Variants in KCNC4 observed in about 807,000 individuals in gnomAD.
The protein encoded by KCNC4 is potassium voltage-gated channel subfamily C member 4.
In KCNC4, 23 loss-of-function variants were observed where a neutral mutation model predicts 42.8. The observed-to-expected ratio is 0.54, with a 90% CI of 0.39 to 0.76. The LOEUF (loss-of-function observed/expected upper bound fraction) is 0.76. Among genes scored for constraint, KCNC4 ranks in the 30% least tolerant of loss-of-function variants. The pLI is 0.00. For missense variants in KCNC4, 751 were observed against 898.2 expected (o/e 0.84, Z 2.10); for synonymous variants, 422 against 393.5 (o/e 1.07, Z -0.86).
intron 3 of KCNC4, among the ~76,000 whole-genome samples, chr1:110,229,464 G>T (rs536239302): frequency 6.6e-6 from 1 of 151,994 alleles, no homozygotes; most frequent in East Asian, 1.9e-4. Flanking sequence ...TCCCTTCTGC[G>T]CCCCGAGCTG....
Position 110,233,379 on chromosome 1 carries a change from C to T in KCNC4, c.*407C>T. 3.8e-6 allele frequency: 1 copy of T among 265,860 alleles called. No individual in the cohort carries two copies. Among genetic ancestry groups the T allele is most frequent in the Non-Finnish European group, 7.2e-6 (1 of 137,944 alleles). The allele number at this position is 265,860 out of a possible 1,614,324, so 16.5% of individuals were successfully genotyped here. On this transcript the variant is annotated 3_prime_UTR_variant, in exon 4 of 4. Coordinates refer to ENST00000438661, the MANE Select transcript of KCNC4 (RefSeq NM_001039574.3). ...CCAAGAAAAGTGCATCTGGGAATTG[C>T]CAGTCCAGCTGGGTAGTCCCAGGCT...
intron 3 of KCNC4, among the ~76,000 whole-genome samples, chr1:110,229,366 G>T (rs138972890): frequency 6.6e-6 from 1 of 152,214 alleles, no homozygotes; most frequent in Non-Finnish European, 1.5e-5. Flanking sequence ...GGTGCAGGCC[G>T]TGGGCGGGCT....
intron 1 of KCNC4, among the ~76,000 whole-genome samples, chr1:110,262,933 C>T (rs895404729): frequency 6.6e-6 from 1 of 152,216 alleles, no homozygotes; most frequent in Non-Finnish European, 1.5e-5. Context: ...TGAGACTCCG[C>T]GTAACCCCAT....
downstream of KCNC4, chr1:110,236,854 A>C (rs1312314734): frequency 6.6e-6 from 1 of 152,202 alleles, no homozygotes; most frequent in Admixed American, 6.5e-5. Flanking sequence ...CTCTGATTGC[A>C]GAGAGCAGAT....
intron 1 of KCNC4, among the ~76,000 whole-genome samples, chr1:110,273,328 A>G (rs1437661572): frequency 6.6e-6 from 1 of 152,176 alleles, no homozygotes; most frequent in Non-Finnish European, 1.5e-5. Flanking sequence ...CTAAATCATG[A>G]GTTTCTGCTC....
At chr1:110,267,499 A>C (rs1333591867) in intron 1 of KCNC4, among the ~76,000 whole-genome samples, 2 of 152,134 alleles carry the variant, frequency 1.3e-5, no homozygotes, top group African/African-American at 4.8e-5. Context: ...CACCGCCCAC[A>C]TGAACACACT....
chr1:110,216,727 C>G (rs1657814141), intron 1 of KCNC4, among the ~76,000 whole-genome samples: 1 of 152,154 alleles, frequency 6.6e-6, no homozygotes, highest in Non-Finnish European at 1.5e-5. Flanking sequence ...CACCAGAGCT[C>G]TGTGCAACCC....
chr1:110,242,333 C>G (rs557928480), exon 4 of KCNC4: 2 of 152,330 alleles, frequency 1.3e-5, no homozygotes, highest in East Asian at 3.9e-4. Context: ...CTGTGAGCCT[C>G]CCACCCACCC....
Position 110,247,134 on chromosome 1 carries a change from TTATC to T in KCNC4, c.*14828_*14831del, listed in dbSNP as rs573346694. ...CACGTGTATGTGTATCACATTTTCT[TTATC>T]TACTAATCATCTATTGGTGGGCAGG... On this transcript the variant is annotated 3_prime_UTR_variant, in exon 4 of 4. Transcript: ENST00000369787. 2.1e-3 allele frequency: 327 copies of T among 152,318 alleles called. 1 individual carries two copies. The highest frequency in any genetic ancestry group is 7.6e-3 in the African/African-American group (315 of 41,562). The allele number at this position is 152,318 out of a possible 1,614,324, so 9.4% of individuals were successfully genotyped here. A position where few individuals can be genotyped will look rare whatever the true frequency, so the allele number is the denominator to read the frequency against.
chr1:110,239,098 C>G (rs1658973827), exon 4 of KCNC4: 1 of 152,314 alleles, frequency 6.6e-6, no homozygotes, highest in Non-Finnish European at 1.5e-5. Flanking sequence ...CAGATCATGT[C>G]ACCCCTGCTT....
chr1:110,260,326 A>C (rs889776915), intron 1 of KCNC4, among the ~76,000 whole-genome samples: 2 of 152,210 alleles, frequency 1.3e-5, no homozygotes, highest in Non-Finnish European at 2.9e-5. Context: ...GGACTTTGTA[A>C]AGAGGAATTG....
chr1:110,234,911 G>A (rs1400650616), downstream of KCNC4: 1 of 152,298 alleles, frequency 6.6e-6, no homozygotes, highest in Non-Finnish European at 1.5e-5. Flanking sequence ...CACCGAAATG[G>A]TTTCCCTGTT....
chr1:110,213,928 G>A (rs1657642426), intron 1 of KCNC4, among the ~76,000 whole-genome samples: 1 of 152,210 alleles, frequency 6.6e-6, no homozygotes, highest in Admixed American at 6.5e-5. Context: ...AGATGAGGTG[G>A]TTAGGGGAGC....
At chr1:110,219,640 C>G (rs1657984095) in intron 1 of KCNC4, 1 of 152,140 alleles carries the variant, frequency 6.6e-6, no homozygotes, top group Admixed American at 6.5e-5. Flanking sequence ...GAGGCTTTGG[C>G]CTCTAAGCAG....
downstream of KCNC4, among the ~76,000 whole-genome samples, chr1:110,251,337 C>A (rs1227892893): frequency 6.6e-6 from 1 of 152,170 alleles, no homozygotes; most frequent in Non-Finnish European, 1.5e-5. Context: ...GGGGGCAGGT[C>A]TTTCCCATGC....
downstream of KCNC4, chr1:110,238,069 G>A (rs967450899): frequency 1.3e-5 from 2 of 152,200 alleles, no homozygotes; most frequent in African/African-American, 2.4e-5. Context: ...GGCTGTCTCC[G>A]ACCCAGCTTT....
Position 110,232,891 on chromosome 1 carries a change from C to T in KCNC4, c.1820-20C>T, listed in dbSNP as rs777760414. 2.5e-6 allele frequency: 4 copies of T among 1,606,850 alleles called. No individual in the cohort carries two copies. The highest frequency in any genetic ancestry group is 3.4e-6 in the Non-Finnish European group (4 of 1,176,776). On this transcript the variant is annotated intron_variant, in intron 3 of 3. Transcript: ENST00000438661. ...AAAGCGTGCGTCCCAGTGTCTCACA[C>T]CTGTGCTCTTTAAACACAGAGACCT... is the stretch of plus-strand genomic sequence containing the variant.
intron 1 of KCNC4, among the ~76,000 whole-genome samples, chr1:110,265,069 A>G (rs1489146473): frequency 2.8e-5 from 4 of 143,336 alleles, no homozygotes; most frequent in Non-Finnish European, 6.0e-5. Flanking sequence ...CAACAGAACC[A>G]AGACTCTGTC....
Position 110,226,104 on chromosome 1 carries a change from G to A in KCNC4, c.1745G>A (p.Arg582Lys), listed in dbSNP as rs1033122106. The change falls in exon 3 of 4, where the codon AGA (arginine) becomes AAA (lysine). Residue 582 changes from arginine to lysine, a missense_variant. This residue lies in a region of KCNC4 where 202 missense variants were observed against 181.5 expected (regional missense o/e 1.11). Coordinates refer to ENST00000438661, the MANE Select transcript of KCNC4 (RefSeq NM_001039574.3). ...CTGCGACGCTCCACCACTCGAGACA[G>A]AAACAAGAAGGCAGCTGCCTGCTTC... is the stretch of plus-strand genomic sequence containing the variant. Reference protein sequence around the residue: ...RALRRSTTRDRNKKAAACFLL... With the variant: ...RALRRSTTRDKNKKAAACFLL... 9 of 1,614,038 alleles carry A rather than the reference G, an allele frequency of 5.6e-6. No individual in the cohort carries two copies. Among genetic ancestry groups the A allele is most frequent in the Non-Finnish European group, 7.6e-6 (9 of 1,180,024 alleles).
Sources: allele counts gnomAD v4.1 joint callset (sites outside exome capture counted in the v4.1 genomes callset), GRCh38; gene constraint gnomAD v4.1.1; regional missense constraint gnomAD v4.1.1; transcripts MANE v1.5; gene names NCBI Gene and HGNC (gene_info 2026-07-23, HGNC 2026-07-21).